Variants in SEMA4G observed in about 807,000 individuals in gnomAD.
SEMA4G encodes the protein semaphorin 4G.
SEMA4G carries 59 observed loss-of-function variants against 81.2 expected under a neutral mutation model. That is an observed-to-expected ratio of 0.73 (90% CI 0.59 to 0.90). The LOEUF (loss-of-function observed/expected upper bound fraction) is 0.90. Ranked by LOEUF, SEMA4G falls within the 40% of genes least tolerant of loss-of-function variation. The pLI is 0.00. For missense variants in SEMA4G, 952 were observed against 1,102.3 expected (o/e 0.86, Z 1.93); for synonymous variants, 404 against 433.9 (o/e 0.93, Z 0.86).
chr10:100,972,296 A>G (rs1031233674), upstream of SEMA4G, among the ~76,000 whole-genome samples: 1 of 151,928 alleles, frequency 6.6e-6, no homozygotes, highest in Non-Finnish European at 1.5e-5. Flanking sequence ...GAGGGTCATG[A>G]CCTTGGGTTT....
At chr10:100,984,635 G>A (rs768679541) in exon 14 of SEMA4G, 24 of 1,536,104 alleles carry the variant, frequency 1.6e-5, no homozygotes, top group Middle Eastern at 1.7e-4. Context: ...AATGTTTATC[G>A]GCTGGGCTGC....
exon 7 of SEMA4G, chr10:100,978,889 G>C (rs1316488117): frequency 6.2e-7 from 1 of 1,614,112 alleles, no homozygotes; most frequent in East Asian, 2.2e-5. Flanking sequence ...GGGAGAGCAA[G>C]GCCAGTGCAG....
rs1360751746 is a variant in SEMA4G at position 100,973,166 on chromosome 10, G to T, written c.162G>T (p.Gln54His). ...CCCGGCACTTCAAGGGCCAAGCCCA[G>T]AACTACTCAACACTGCTGCTGGAGG... Residue 54 changes from glutamine (Q) to histidine (H), a missense_variant, in exon 2 of 14, where the codon CAG (glutamine) becomes CAT (histidine). Gln to His is a conservative substitution (Grantham distance 24). Coordinates refer to ENST00000370250, the Ensembl canonical transcript of SEMA4G. The surrounding 1 kb of genome is among the most constrained non-coding windows in gnomAD (Gnocchi z 5.5). The T allele has an allele frequency of 6.2e-7, 1 of 1,613,966 alleles. No individual in the cohort carries two copies. The highest frequency in any genetic ancestry group is 1.7e-5 in the Admixed American group (1 of 60,022).
exon 5 of SEMA4G, chr10:100,978,382 A>C (rs1420941687): frequency 1.2e-6 from 2 of 1,612,858 alleles, no homozygotes; most frequent in African/African-American, 1.3e-5. Context: ...CACAGGCCTC[A>C]TCATTGGTGA....
chr10:100,974,944 T>G (rs763007648), intron 3 of SEMA4G: 58 of 489,522 alleles, frequency 1.2e-4, no homozygotes, highest in Non-Finnish European at 8.2e-6. Flanking sequence ...AGACTCTATC[T>G]CTAATAAAAA....
At position 100,983,596 on chromosome 10, in the gene SEMA4G, C is replaced by G. The variant is rs1376084022; in HGVS notation, c.1982C>G (p.Ala661Gly). ...GCCACTCCTGCCCCAGCTCCAAAAG[C>G]CCCTGCCACACCTGGGGCACAGCTG... Residue 661 changes from alanine to glycine, a missense_variant, in exon 14 of 14, where the codon GCC becomes GGC. Ala to Gly is a moderately conservative substitution (Grantham distance 60, BLOSUM62 0). Transcript: ENST00000370250. 1.9e-6 allele frequency: 3 copies of G among 1,613,998 alleles called. No individual in the cohort carries two copies. Among genetic ancestry groups the G allele is most frequent in the Admixed American group, 1.7e-5 (1 of 60,018 alleles).
intron 4 of SEMA4G, chr10:100,977,970 C>A (rs1850874199): frequency 5.2e-6 from 3 of 573,986 alleles, no homozygotes; most frequent in South Asian, 4.1e-5. Flanking sequence ...CTCCACCTGG[C>A]AAACTTCATT....
At chr10:100,978,668 G>C in intron 6 of SEMA4G, 28 bp downstream of exon 7, 3 of 1,596,684 alleles carry the variant, frequency 1.9e-6, no homozygotes, top group Non-Finnish European at 2.6e-6. Context: ...CAGGATGATG[G>C]GGGGTAGGGG....
Position 100,973,775 on chromosome 10 carries a change from ATT to A in SEMA4G, c.336+178_336+179del, listed in dbSNP as rs200303442. The stretch of plus-strand genomic sequence containing the variant: ...CAGAGTGGCAAGCCATGGGCACAGC[ATT>A]TTTTTTTTTTTCTTTTTTTGAGGTC... On this transcript the variant is annotated intron_variant, in intron 3 of 13. Transcript: ENST00000370250. The surrounding 1 kb of genome is among the most constrained non-coding windows in gnomAD (Gnocchi z 5.5). Among the ~76,000 whole-genome samples the A allele has an allele frequency of 3.3e-4, 48 of 145,580 alleles. No individual in the cohort carries two copies. The highest frequency in any genetic ancestry group is 6.3e-4 in the African/African-American group (25 of 39,880).
Position 100,980,849 on chromosome 10 carries a change from G to A in SEMA4G, c.1495G>A (p.Gly499Arg), listed in dbSNP as rs778175945. The A allele has an allele frequency of 1.8e-5, 29 of 1,593,288 alleles. No individual in the cohort carries two copies. Among genetic ancestry groups the A allele is most frequent in the African/African-American group, 4.1e-5 (3 of 73,980 alleles). Residue 499 changes from glycine to arginine, a missense_variant, in exon 12 of 14, where the codon GGA (glycine) becomes AGA (arginine). Transcript: ENST00000370250. ...CAGCCTCTATGTGGGGGCTCCTAGC[G>A]GAGTCATCCAGCTACCACTCTCCAG... is the stretch of plus-strand genomic sequence containing the variant.
chr10:100,978,699 C>T (rs1021502196), intron 6 of SEMA4G, 59 bp downstream of exon 7: 3 of 1,572,142 alleles, frequency 1.9e-6, no homozygotes, highest in African/African-American at 2.7e-5. Context: ...CATTTTTACT[C>T]CCTTGGCCAG....
At chr10:100,974,338 A>T (rs572642441) in intron 3 of SEMA4G, among the ~76,000 whole-genome samples, 20 of 151,992 alleles carry the variant, frequency 1.3e-4, no homozygotes, top group Non-Finnish European at 4.4e-5. Flanking sequence ...GCTGGCGTGC[A>T]CCTGTAGTCC....
intron 3 of SEMA4G, among the ~76,000 whole-genome samples, chr10:100,976,641 A>C (rs1382358463): frequency 6.6e-6 from 1 of 152,270 alleles, no homozygotes; most frequent in East Asian, 1.9e-4. Flanking sequence ...CATTTTTAGA[A>C]TATCCCTTGG....
chr10:100,974,036 A>G (rs1360149983), intron 3 of SEMA4G, among the ~76,000 whole-genome samples: 2 of 151,562 alleles, frequency 1.3e-5, no homozygotes, highest in East Asian at 2.0e-4. Context: ...TTAGCCTCCC[A>G]AAGTGCTGGG....
chr10:100,985,007 T>C (rs1590004294), downstream of SEMA4G: 2 of 1,205,552 alleles, frequency 1.7e-6, no homozygotes, highest in Admixed American at 2.9e-5. Context: ...CTTGCTGTCT[T>C]GGACCTGTCT....
chr10:100,974,932 T>G (rs995187359), intron 3 of SEMA4G: 2 of 473,042 alleles, frequency 4.2e-6, no homozygotes, highest in African/African-American at 4.1e-5. Context: ...GACAATATAA[T>G]GAGACTCTAT....
chr10:100,979,984 C>A, exon 9 of SEMA4G: 1 of 1,614,018 alleles, frequency 6.2e-7, no homozygotes. Flanking sequence ...TGAGCCCCGG[C>A]CTGGCTCGGT....
At chr10:100,975,194 T>C (rs536056836) in intron 3 of SEMA4G, 2 of 370,590 alleles carry the variant, frequency 5.4e-6, no homozygotes. Context: ...TTTGATACTT[T>C]AGAGGCTCTA....
chr10:100,978,705 GC>G (rs1205701211), intron 6 of SEMA4G, 65 bp downstream of exon 7: 1 of 1,564,836 alleles, frequency 6.4e-7, no homozygotes, highest in Non-Finnish European at 8.8e-7. Flanking sequence ...TACTCCCTTG[GC>G]CAGCTGACCA....
Sources: gnomAD v4.1 joint callset for allele counts (sites outside exome capture counted in the v4.1 genomes callset) on GRCh38, gnomAD v4.1.1 for gene constraint, Gnocchi (gnomAD v3.1) non-coding constraint, MANE v1.5 for transcripts, NCBI Gene and HGNC (gene_info 2026-07-23, HGNC 2026-07-21) for gene names.